The following BLK variants were observed in gnomAD, a reference collection of about 807,000 sequenced individuals.
BLK encodes the protein BLK proto-oncogene, Src family tyrosine kinase, also known as tyrosine-protein kinase Blk.
Under a neutral mutation model 61.8 loss-of-function variants are expected in BLK, and 64 were observed. That is an observed-to-expected ratio of 1.03 (90% CI 0.85 to 1.27). The LOEUF (loss-of-function observed/expected upper bound fraction) is 1.27. Ranked by LOEUF, BLK falls within the 50% of genes most tolerant of loss-of-function variation. BLK has a pLI of 0.00. For synonymous variants in BLK, 351 were observed against 272.0 expected, an observed-to-expected ratio of 1.29 and a Z score of -2.86; for missense variants, 853 against 660.5, an observed-to-expected ratio of 1.29 and a Z score of -3.19.
chr8:11,496,915 G>C (rs1298603746), intron 1 of BLK, among the ~76,000 whole-genome samples: 1 of 152,168 alleles, frequency 6.6e-6, no homozygotes, highest in Non-Finnish European at 1.5e-5. Context: ...TGAGGATTCT[G>C]ACCTTGTGAG....
intron 11 of BLK, among the ~76,000 whole-genome samples, chr8:11,562,138 T>C (rs1801526576): frequency 1.3e-5 from 2 of 152,150 alleles, no homozygotes; most frequent in Non-Finnish European, 1.5e-5. Context: ...TAGTCCCTAT[T>C]AACCTTCCAT....
At chr8:11,563,269 C>G (rs562804662) in intron 12 of BLK, among the ~76,000 whole-genome samples, 159 bp downstream of exon 12, 38 of 152,334 alleles carry the variant, frequency 2.5e-4, no homozygotes, top group Non-Finnish European at 5.9e-5. Context: ...GGAGCTCTGC[C>G]CCCTGCATCA....
chr8:11,527,771 G>A (rs1219281986), intron 1 of BLK, among the ~76,000 whole-genome samples: 6 of 149,172 alleles, frequency 4.0e-5, no homozygotes, highest in South Asian at 2.1e-4. Flanking sequence ...CACAAGTCTG[G>A]GTGTAAAAAA....
intron 2 of BLK, among the ~76,000 whole-genome samples, chr8:11,544,885 A>T (rs1800554612): frequency 1.3e-5 from 2 of 152,322 alleles, no homozygotes; most frequent in East Asian, 3.9e-4. Context: ...ACACTTGTAT[A>T]GCCACCTCCC....
intron 1 of BLK, among the ~76,000 whole-genome samples, chr8:11,530,615 G>C (rs183112121): frequency 5.0e-4 from 76 of 152,306 alleles, no homozygotes; most frequent in African/African-American, 1.7e-3. Context: ...TAAAGAGAAA[G>C]AAATATGCTC....
chr8:11,529,681 G>A (rs771442535), intron 1 of BLK, among the ~76,000 whole-genome samples: 7 of 152,294 alleles, frequency 4.6e-5, no homozygotes, highest in South Asian at 2.1e-4. Context: ...TCTGGAATGC[G>A]CTGTTATTGT....
chr8:11,523,953 C>T (rs1006144444), intron 1 of BLK, among the ~76,000 whole-genome samples: 5 of 151,686 alleles, frequency 3.3e-5, no homozygotes, highest in Non-Finnish European at 7.4e-5. Context: ...AATTTAGCTT[C>T]ATAGATCAAG....
chr8:11,545,963 C>T (rs1800615395), intron 2 of BLK, 89 bp from the exon 3 acceptor site: 2 of 1,402,630 alleles, frequency 1.4e-6, no homozygotes, highest in African/African-American at 1.4e-5. Flanking sequence ...CTGGAGATAC[C>T]CTGGCTGCCC....
intron 10 of BLK, chr8:11,560,601 A>G (rs1401769733): frequency 3.0e-6 from 1 of 336,190 alleles, no homozygotes; most frequent in Non-Finnish European, 5.9e-6. Context: ...AAAGGTGCCA[A>G]GTAGCACCAG....
rs553260787 is a variant in BLK, at chr8:11,534,711, T to C, written c.-1-8513T>C. ...TGGCCACATAATTTCTCCTCCTAAC[T>C]GTGCCGAAGTACCTAAAAGTCACAG... On this transcript the variant is annotated intron_variant, in intron 1 of 12. Coordinates refer to ENST00000259089, the MANE Select transcript of BLK (RefSeq NM_001715.3). Among the ~76,000 whole-genome samples the C allele has an allele frequency of 2.0e-5, 3 of 152,350 alleles. No individual in the cohort carries two copies. In the East Asian group the frequency reaches 5.8e-4, roughly 29 times the overall value.
chr8:11,526,623 G>A (rs545216675), intron 1 of BLK, among the ~76,000 whole-genome samples: 6 of 152,336 alleles, frequency 3.9e-5, no homozygotes, highest in Non-Finnish European at 2.9e-5. Flanking sequence ...GGAGGCTAAG[G>A]CAGGAGGATC....
chr8:11,521,735 G>C (rs1799458812), intron 1 of BLK, among the ~76,000 whole-genome samples: 2 of 152,186 alleles, frequency 1.3e-5, no homozygotes, highest in African/African-American at 4.8e-5. Context: ...TGCCTCCCCG[G>C]CATGTGCATG....
chr8:11,551,126 T>C (rs749824797), intron 6 of BLK, among the ~76,000 whole-genome samples: 1 of 152,178 alleles, frequency 6.6e-6, no homozygotes, highest in African/African-American at 2.4e-5. Flanking sequence ...TTGATGTAGA[T>C]AGAATCACTG....
chr8:11,550,009 C>T (rs757345827), intron 5 of BLK, 150 bp from the exon 6 acceptor site: 7 of 722,304 alleles, frequency 9.7e-6, no homozygotes, highest in South Asian at 3.0e-5. Flanking sequence ...GACTCCATCA[C>T]GGTGTGAGGA....
At chr8:11,514,636 G>A (rs1028513049) in intron 1 of BLK, among the ~76,000 whole-genome samples, 1 of 152,180 alleles carries the variant, frequency 6.6e-6, no homozygotes, top group Non-Finnish European at 1.5e-5. Flanking sequence ...CCCTGTGATT[G>A]CACTGCCCCC....
intron 1 of BLK, among the ~76,000 whole-genome samples, chr8:11,524,610 T>C (rs1003271646): frequency 6.6e-6 from 1 of 152,138 alleles, no homozygotes; most frequent in Non-Finnish European, 1.5e-5. Flanking sequence ...AGCGTGGGAA[T>C]CCCACTTGTG....
intron 1 of BLK, among the ~76,000 whole-genome samples, chr8:11,498,428 A>G (rs924848770): frequency 7.9e-5 from 12 of 152,216 alleles, no homozygotes; most frequent in Admixed American, 2.6e-4. Flanking sequence ...AGTTTTTGTC[A>G]GATTCCCAAA....
At chr8:11,540,084 T>C (rs1329030387) in intron 1 of BLK, among the ~76,000 whole-genome samples, 1 of 152,142 alleles carries the variant, frequency 6.6e-6, no homozygotes, top group African/African-American at 2.4e-5. Flanking sequence ...CGCTTCTGGG[T>C]ATTTTATCTT....
At position 11,556,822 on chromosome 8, in the gene BLK, G is replaced by C; in HGVS notation, c.937G>C (p.Glu313Gln). 1 of 1,614,070 alleles carries C rather than the reference G, an allele frequency of 6.2e-7. No homozygotes were observed. The highest frequency in any genetic ancestry group is 8.5e-7 in the Non-Finnish European group (1 of 1,179,968). Residue 313 changes from glutamate to glutamine, a missense_variant, in exon 9 of 13, where the codon GAG (glutamate) becomes CAG (glutamine). Transcript: ENST00000259089. ...VTKEPIYIVT[E>Q]YMARGCLLDF... is the part of the protein sequence containing the mutation. Reference sequence around the variant, plus strand: ...CAAGGAGCCCATCTACATTGTCACCGAGTACATGGCCAGAGGTGGTGCCCC... The same window carrying C: ...CAAGGAGCCCATCTACATTGTCACCCAGTACATGGCCAGAGGTGGTGCCCC...
Sources: gnomAD v4.1 joint callset for allele counts (sites outside exome capture counted in the v4.1 genomes callset) on GRCh38, gnomAD v4.1.1 for gene constraint, MANE v1.5 for transcripts, NCBI Gene and HGNC (gene_info 2026-07-23, HGNC 2026-07-21) for gene names.